Variants in GADL1 observed in about 807,000 individuals in gnomAD.
GADL1 encodes the protein GAD like acidic amino acid decarboxylase 1, also known as acidic amino acid decarboxylase GADL1.
A neutral mutation model predicts 69.5 loss-of-function variants in GADL1; 71 were observed. The observed-to-expected ratio is 1.02, with a 90% CI of 0.84 to 1.25. The LOEUF (loss-of-function observed/expected upper bound fraction) is 1.25. Among genes scored for constraint, GADL1 ranks in the 50% most tolerant of loss-of-function variants. The probability of loss-of-function intolerance (pLI) is 0.00; values close to 1 mark genes in which losing one functional copy is unlikely to be tolerated. For missense variants in GADL1, 737 were observed against 631.8 expected (o/e 1.17, Z -1.79); for synonymous variants, 254 against 214.4 (o/e 1.18, Z -1.62).
At chr3:30,745,054 A>G (rs1695681083) in intron 14 of GADL1, among the ~76,000 whole-genome samples, 1 of 152,222 alleles carries the variant, frequency 6.6e-6, no homozygotes, top group African/African-American at 2.4e-5. Context: ...TGGTTTTCCT[A>G]TATGTAAAAT....
At chr3:30,800,848 CACAGAAAGAG>C (rs1294414991) in intron 12 of GADL1, 31 bp downstream of exon 12, 2 of 1,192,616 alleles carry the variant, frequency 1.7e-6, no homozygotes, top group Admixed American at 4.4e-5. Flanking sequence ...CACACACACA[CACAGAAAGAG>C]AGAGAGAGAG....
intron 1 of GADL1, among the ~76,000 whole-genome samples, chr3:30,892,285 T>C (rs888183327): frequency 6.6e-6 from 1 of 152,222 alleles, no homozygotes; most frequent in Non-Finnish European, 1.5e-5. Flanking sequence ...GTAACAGATA[T>C]TCAACAAGAG....
At chr3:30,863,710 C>A (rs1428410775) in intron 1 of GADL1, among the ~76,000 whole-genome samples, 3 of 150,550 alleles carry the variant, frequency 2.0e-5, no homozygotes, top group Non-Finnish European at 3.0e-5. Flanking sequence ...CAATGGTCTA[C>A]AAAAAAAAAC....
intron 11 of GADL1, among the ~76,000 whole-genome samples, chr3:30,806,285 A>T (rs966739956): frequency 6.6e-6 from 1 of 152,174 alleles, no homozygotes; most frequent in African/African-American, 2.4e-5. Context: ...AAAATTATGT[A>T]TTGAGGACCT....
At chr3:30,802,512 C>T (rs1319815) in intron 11 of GADL1, among the ~76,000 whole-genome samples, 1 of 151,980 alleles carries the variant, frequency 6.6e-6, no homozygotes, top group Non-Finnish European at 1.5e-5. Context: ...GTAGACATGG[C>T]GGTCCTAGAA....
At position 30,726,282 on chromosome 3, in the gene GADL1, A is replaced by G. The variant is rs183115921; in HGVS notation, c.*1960T>C. The stretch of plus-strand genomic sequence containing the variant: ...AACCTACTTTTTCAGTCATTAAACT[A>G]AAATGCCAACCAAGTCCAGTTCACT... On this transcript the variant is annotated 3_prime_UTR_variant, in exon 15 of 15. Transcript: ENST00000282538. 3 of 152,326 alleles carry G rather than the reference A, an allele frequency of 2.0e-5. No homozygotes were observed. Among genetic ancestry groups the G allele is most frequent in the Admixed American group, 6.5e-5 (1 of 15,288 alleles). 9.4% of individuals were successfully genotyped at this position (152,326 alleles called of 1,614,324 possible).
chr3:30,786,358 C>T lies in GADL1; in HGVS notation c.1299G>A (p.Met433Ile), dbSNP rs753014937. The T allele has an allele frequency of 3.9e-6, 6 of 1,554,448 alleles. No individual in the cohort carries two copies. In the South Asian group the frequency reaches 6.7e-5, roughly 17 times the overall value. The change falls in exon 13 of 15, where the codon ATG (methionine) becomes ATA (isoleucine). Residue 433 changes from methionine to isoleucine, a missense_variant. Physicochemically the swap from Met to Ile is conservative, Grantham distance 10 (BLOSUM62 1). Transcript: ENST00000282538. ...GCACAATTATGCAATCACTTACTTC[C>T]ATCAGTAACTTGAATCCTTCTCTTT... Reference protein sequence around the residue: ...IKKREGFKLLMEPEYANICFW... With the variant: ...IKKREGFKLLIEPEYANICFW...
chr3:30,778,022 C>G (rs570276366), intron 14 of GADL1, among the ~76,000 whole-genome samples, 157 bp downstream of exon 14: 53 of 152,264 alleles, frequency 3.5e-4, no homozygotes, highest in African/African-American at 1.2e-3. Flanking sequence ...TAAACAATGT[C>G]TACAACTGTT....
chr3:30,809,930 A>C (rs1575215642), intron 11 of GADL1, among the ~76,000 whole-genome samples: 1 of 152,228 alleles, frequency 6.6e-6, no homozygotes, highest in African/African-American at 2.4e-5. Flanking sequence ...GCATGAGGCT[A>C]TAAGGAGACA....
At chr3:30,850,593 C>A (rs1278959634) in intron 5 of GADL1, among the ~76,000 whole-genome samples, 1 of 152,104 alleles carries the variant, frequency 6.6e-6, no homozygotes, top group Admixed American at 6.6e-5. Context: ...CAAATCGATT[C>A]ATTTGTGTTA....
chr3:30,733,652 C>G (rs1415006741), intron 14 of GADL1, among the ~76,000 whole-genome samples: 1 of 151,080 alleles, frequency 6.6e-6, no homozygotes, highest in Non-Finnish European at 1.5e-5. Flanking sequence ...TCCCTCCCTC[C>G]CTCCTTCCCT....
At chr3:30,748,097 G>A (rs1450860924) in intron 14 of GADL1, among the ~76,000 whole-genome samples, 1 of 152,186 alleles carries the variant, frequency 6.6e-6, no homozygotes, top group Admixed American at 6.5e-5. Context: ...CCAGAGAAGG[G>A]AAGTTAGGTG....
chr3:30,881,266 C>T (rs1575246926), intron 1 of GADL1, among the ~76,000 whole-genome samples: 2 of 152,006 alleles, frequency 1.3e-5, no homozygotes, highest in East Asian at 3.9e-4. Context: ...CTGACAAAAT[C>T]ATATAACTAG....
At chr3:30,768,474 C>G (rs923198045) in intron 14 of GADL1, among the ~76,000 whole-genome samples, 1 of 150,010 alleles carries the variant, frequency 6.7e-6, no homozygotes, top group Admixed American at 6.7e-5. Flanking sequence ...TTCATTGAAG[C>G]CTTGGACATA....
At chr3:30,858,647 GT>G (rs1488317619) in intron 2 of GADL1, among the ~76,000 whole-genome samples, 2 of 151,962 alleles carry the variant, frequency 1.3e-5, no homozygotes, top group African/African-American at 4.8e-5. Flanking sequence ...TTGGGGTGGT[GT>G]GGGGATGATG....
intron 11 of GADL1, among the ~76,000 whole-genome samples, chr3:30,832,360 T>C (rs921113346): frequency 1.3e-5 from 2 of 151,582 alleles, no homozygotes; most frequent in African/African-American, 4.8e-5. Flanking sequence ...AAAACCCTGT[T>C]AAGGAGTTAT....
chr3:30,882,494 C>T (rs1379743770), intron 1 of GADL1, among the ~76,000 whole-genome samples: 1 of 151,914 alleles, frequency 6.6e-6, no homozygotes, highest in Admixed American at 6.6e-5. Flanking sequence ...CTACATAGCA[C>T]TGACAGAATT....
chr3:30,775,659 A>G (rs1279388685), intron 14 of GADL1, among the ~76,000 whole-genome samples: 1 of 152,206 alleles, frequency 6.6e-6, no homozygotes, highest in Non-Finnish European at 1.5e-5. Flanking sequence ...GCAGAAAAGC[A>G]TTTCCAAAAT....
At chr3:30,774,555 CTG>C (rs1243721507) in intron 14 of GADL1, among the ~76,000 whole-genome samples, 3 of 151,716 alleles carry the variant, frequency 2.0e-5, no homozygotes, top group African/African-American at 7.3e-5. Flanking sequence ...ACTACATTCA[CTG>C]TGTTTCTAAG....
Sources: allele counts gnomAD v4.1 joint callset (sites outside exome capture counted in the v4.1 genomes callset), GRCh38; gene constraint gnomAD v4.1.1; transcripts MANE v1.5; gene names NCBI Gene and HGNC (gene_info 2026-07-23, HGNC 2026-07-21).